PLXNC1: variants seen among roughly 807,000 people sequenced by gnomAD.
PLXNC1 encodes the protein plexin C1.
Under a neutral mutation model 178.2 loss-of-function variants are expected in PLXNC1, and 75 were observed. The ratio of observed to expected loss-of-function variants is 0.42; its 90% CI spans 0.35 to 0.51. The LOEUF (loss-of-function observed/expected upper bound fraction) is 0.51. Ranked by LOEUF, PLXNC1 falls within the 20% of genes least tolerant of loss-of-function variation. The pLI is 0.02. For synonymous variants in PLXNC1, 790 were observed against 779.9 expected (o/e 1.01, Z -0.22); for missense variants, 1,503 against 1,984.4 (o/e 0.76, Z 4.61).
In PLXNC1 at chr12:94,149,252, C is replaced by T. The variant is rs756320813; in HGVS notation, c.281C>T (p.Ala94Val). ...AACTGCACAGAGCCGGTCTCGCTGG[C>T]GCCCCCCGCGCGGCCCCGGCCCGGG... ...AGNCTEPVSL[A>V]PPARPRPGSS... Residue 94 changes from alanine to valine, a missense_variant, in exon 1 of 31, where the codon GCG becomes GTG. By Grantham distance (64) the Ala-to-Val change is moderately conservative. Coordinates refer to ENST00000258526, the MANE Select transcript of PLXNC1 (RefSeq NM_005761.3). The T allele has an allele frequency of 4.5e-6, 7 of 1,546,538 alleles. No homozygotes were observed. Among genetic ancestry groups the T allele is most frequent in the Non-Finnish European group, 3.5e-6 (4 of 1,154,812 alleles).
chr12:94,286,683 T>A (rs183556465), intron 23 of PLXNC1, among the ~76,000 whole-genome samples: 142 of 144,862 alleles, frequency 9.8e-4, no homozygotes, highest in Admixed American at 1.6e-3. Flanking sequence ...TTTAAGTGAA[T>A]CAGACTCACC....
chr12:94,197,396 C>T (rs1398165189), intron 4 of PLXNC1, among the ~76,000 whole-genome samples: 1 of 151,398 alleles, frequency 6.6e-6, no homozygotes, highest in African/African-American at 2.4e-5. Flanking sequence ...GGTTACTTAT[C>T]ACAGGAGTAG....
chr12:94,182,445 G>T (rs1215796493), intron 3 of PLXNC1, among the ~76,000 whole-genome samples: 1 of 133,726 alleles, frequency 7.5e-6, no homozygotes, highest in Non-Finnish European at 1.6e-5. Flanking sequence ...AAAAAAAAAG[G>T]CTGGGCATGG....
At chr12:94,304,225 C>T (rs986733077) in intron 30 of PLXNC1, 174 bp downstream of exon 30, 14 of 526,334 alleles carry the variant, frequency 2.7e-5, no homozygotes, top group Admixed American at 6.9e-5. Flanking sequence ...ACATGGCTGC[C>T]CCCCTTACAG....
intron 20 of PLXNC1, chr12:94,262,565 G>A: frequency 1.0e-6 from 1 of 985,438 alleles, no homozygotes; most frequent in Non-Finnish European, 1.2e-6. Context: ...AGTGGTGAGG[G>A]GGCGGCTCGG....
chr12:94,200,136 G>A (rs1318133319), intron 4 of PLXNC1, among the ~76,000 whole-genome samples: 1 of 152,150 alleles, frequency 6.6e-6, no homozygotes, highest in Non-Finnish European at 1.5e-5. Flanking sequence ...GACGTTCTCG[G>A]ACCTCAGCCT....
chr12:94,172,614 T>C (rs1017738684), intron 2 of PLXNC1, among the ~76,000 whole-genome samples: 1 of 152,232 alleles, frequency 6.6e-6, no homozygotes, highest in Non-Finnish European at 1.5e-5. Flanking sequence ...TCTATTTATG[T>C]AGTTGAGGTC....
chr12:94,241,486 C>G (rs1477270227), intron 11 of PLXNC1, among the ~76,000 whole-genome samples: 1 of 152,066 alleles, frequency 6.6e-6, no homozygotes, highest in Non-Finnish European at 1.5e-5. Flanking sequence ...AGCCATTAAC[C>G]AAACCCTCTT....
intron 4 of PLXNC1, among the ~76,000 whole-genome samples, chr12:94,187,926 G>A (rs768365789): frequency 2.0e-5 from 3 of 151,882 alleles, no homozygotes; most frequent in Non-Finnish European, 2.9e-5. Flanking sequence ...TGAGAACTGG[G>A]CCTTGAGGGG....
chr12:94,275,015 G>A (rs1287978617), intron 21 of PLXNC1, among the ~76,000 whole-genome samples: 1 of 152,236 alleles, frequency 6.6e-6, no homozygotes, highest in Non-Finnish European at 1.5e-5. Flanking sequence ...TAGGAACAGT[G>A]AGGATTTTAA....
At chr12:94,270,142 T>C (rs557815561) in intron 21 of PLXNC1, among the ~76,000 whole-genome samples, 1 of 152,384 alleles carries the variant, frequency 6.6e-6, no homozygotes, top group Non-Finnish European at 1.5e-5. Flanking sequence ...ATGGCGGAGA[T>C]AGAAAGCATT....
chr12:94,161,371 G>C (rs1961380199), intron 1 of PLXNC1, among the ~76,000 whole-genome samples: 1 of 152,146 alleles, frequency 6.6e-6, no homozygotes, highest in Non-Finnish European at 1.5e-5. Context: ...GAGTGGATGG[G>C]TGGGTAGAGA....
At chr12:94,297,268 T>C in intron 25 of PLXNC1, 48 bp downstream of exon 25, 2 of 1,613,266 alleles carry the variant, frequency 1.2e-6, no homozygotes, top group Non-Finnish European at 1.7e-6. Context: ...ATGCCTTCTG[T>C]AGCAAGAGTG....
chr12:94,262,218 C>T (rs1434941672), intron 20 of PLXNC1, among the ~76,000 whole-genome samples: 1 of 152,206 alleles, frequency 6.6e-6, no homozygotes, highest in African/African-American at 2.4e-5. Flanking sequence ...AGAGAGAGCA[C>T]CACACTAGGG....
At chr12:94,250,086 G>A (rs1964640283) in intron 14 of PLXNC1, among the ~76,000 whole-genome samples, 1 of 152,172 alleles carries the variant, frequency 6.6e-6, no homozygotes, top group Admixed American at 6.5e-5. Context: ...TCTAGGCAGA[G>A]GGAGCAGAGG....
intron 2 of PLXNC1, among the ~76,000 whole-genome samples, chr12:94,177,096 T>C (rs1962083737): frequency 7.0e-6 from 1 of 143,572 alleles, no homozygotes; most frequent in South Asian, 2.1e-4. Context: ...TATGTGTATA[T>C]ATATATGTGT....
chr12:94,177,217 GTGTATATATATACA>G (rs1565794504), intron 2 of PLXNC1, among the ~76,000 whole-genome samples: 11 of 80,964 alleles, frequency 1.4e-4, no homozygotes, highest in African/African-American at 5.1e-4. Context: ...ATATATGTGT[GTGTATATATATACA>G]TATATATATA....
chr12:94,262,706 G>A, intron 20 of PLXNC1: 2 of 985,454 alleles, frequency 2.0e-6, no homozygotes, highest in Non-Finnish European at 2.4e-6. Context: ...GACAGCCCTA[G>A]TCCTCCTGTC....
chr12:94,277,054 C>T (rs922236889), intron 21 of PLXNC1: 74 of 122,072 alleles, frequency 6.1e-4, no homozygotes, highest in African/African-American at 2.2e-3. Context: ...TTTGTCTCAG[C>T]TCTTTATAAA....
Sources: gnomAD v4.1 joint callset for allele counts (sites outside exome capture counted in the v4.1 genomes callset) on GRCh38, gnomAD v4.1.1 for gene constraint, MANE v1.5 for transcripts, NCBI Gene and HGNC (gene_info 2026-07-23, HGNC 2026-07-21) for gene names.